The following SUV39H2 variants were observed in gnomAD, a reference collection of about 807,000 sequenced individuals.
SUV39H2 encodes the protein SUV39H2 histone lysine methyltransferase, also known as histone-lysine N-methyltransferase SUV39H2.
In SUV39H2, 10 loss-of-function variants were observed where a neutral mutation model predicts 47.5. That is an observed-to-expected ratio of 0.21 (90% CI 0.13 to 0.36). The LOEUF (loss-of-function observed/expected upper bound fraction) is 0.36, where lower values mean the gene tolerates loss of function less well. Ranked by LOEUF, SUV39H2 falls within the 10% of genes least tolerant of loss-of-function variation. The pLI, the probability that SUV39H2 is intolerant of heterozygous loss-of-function variation, is 1.00. For synonymous variants in SUV39H2, 159 were observed against 166.8 expected (o/e 0.95, Z 0.36); for missense variants, 266 against 487.4 (o/e 0.55, Z 4.28).
chr10:14,878,884 A>G lies in SUV39H2; in HGVS notation c.-5A>G, dbSNP rs375333545. 38 of 1,488,940 alleles carry G rather than the reference A, an allele frequency of 2.6e-5. No individual in the cohort carries two copies. In the East Asian group the frequency reaches 2.9e-4, roughly 12 times the overall value. The allele number at this position is 1,488,940 out of a possible 1,614,324, so 92.2% of individuals were successfully genotyped here. The stretch of plus-strand genomic sequence containing the variant: ...CCGCGCCAGTTTGAATGAAAGCTCT[A>G]CAAGATGGCGGCGGTCGGGGCCGAG... On this transcript the variant is annotated 5_prime_UTR_variant, in exon 1 of 6. Transcript: ENST00000354919.
chr10:14,901,318 C>T, intron 5 of SUV39H2, 56 bp downstream of exon 5: 6 of 1,604,908 alleles, frequency 3.7e-6, no homozygotes, highest in Non-Finnish European at 3.4e-6. Flanking sequence ...AGAATCAAAT[C>T]AGACTAGGAA....
chr10:14,883,043 T>A (rs188912751), intron 2 of SUV39H2, among the ~76,000 whole-genome samples: 3 of 151,856 alleles, frequency 2.0e-5, no homozygotes, highest in African/African-American at 7.2e-5. Context: ...AATTTTTGTA[T>A]TTTTTAGTAG....
chr10:14,899,364 C>G (rs1231873294), intron 3 of SUV39H2, 175 bp from the exon 4 acceptor site: 2 of 724,718 alleles, frequency 2.8e-6, no homozygotes, highest in Non-Finnish European at 4.7e-6. Context: ...TTTTCTTCCC[C>G]TCATTTTCCC....
At chr10:14,880,305 G>C (rs1489271992) in intron 1 of SUV39H2, among the ~76,000 whole-genome samples, 1 of 152,198 alleles carries the variant, frequency 6.6e-6, no homozygotes, top group African/African-American at 2.4e-5. Context: ...TCTGTGTGAG[G>C]TGGGGAGGAT....
chr10:14,878,919 G>C lies in SUV39H2; in HGVS notation c.31G>C (p.Ala11Pro). Residue 11 changes from alanine (A) to proline (P), a missense_variant and splice_region_variant, in exon 1 of 6, where the codon GCT becomes CCT. By Grantham distance (27) the Ala-to-Pro change is conservative (BLOSUM62 -1). Coordinates refer to ENST00000354919, the MANE Select transcript of SUV39H2 (RefSeq NM_001193424.2). MAAVGAEARG[A>P]WCVPCLVSLD... ...GGCGGTCGGGGCCGAGGCGCGAGGA[G>C]GTGAGGCTGGAGCGCGGCCCCCTCG... The C allele has an allele frequency of 6.8e-7, 1 of 1,475,972 alleles. No individual in the cohort carries two copies. Among genetic ancestry groups the C allele is most frequent in the Non-Finnish European group, 9.0e-7 (1 of 1,111,154 alleles). 91.4% of individuals were successfully genotyped at this position (1,475,972 alleles called of 1,614,324 possible). A position where few individuals can be genotyped will look rare whatever the true frequency, so the allele number is the denominator to read the frequency against.
At chr10:14,891,496 T>C (rs1186064376) in intron 2 of SUV39H2, among the ~76,000 whole-genome samples, 4 of 152,114 alleles carry the variant, frequency 2.6e-5, no homozygotes, top group South Asian at 4.1e-4. Flanking sequence ...TAAAGAAGGA[T>C]AGAGTGTTTG....
intron 3 of SUV39H2, chr10:14,898,854 A>G (rs943553876): frequency 1.0e-5 from 2 of 194,580 alleles, no homozygotes; most frequent in Non-Finnish European, 2.1e-5. Flanking sequence ...TTCCATTTGT[A>G]ACTGCATATA....
chr10:14,898,590 ACT>A (rs1423693701), intron 3 of SUV39H2: 2 of 152,118 alleles, frequency 1.3e-5, no homozygotes, highest in East Asian at 1.9e-4. Context: ...TAATCAAATT[ACT>A]CTTTTTGTTA....
Position 14,894,666 on chromosome 10 carries a change from C to T in SUV39H2, c.178-2180C>T, listed in dbSNP as rs539402929. Among the ~76,000 whole-genome samples, 2 of 57,414 alleles carry T rather than the reference C, an allele frequency of 3.5e-5. 1 individual carries two copies. Among genetic ancestry groups the T allele is most frequent in the African/African-American group, 4.0e-4 (2 of 5,006 alleles). 37.7% of individuals were successfully genotyped at this position (57,414 alleles called of 152,430 possible). A position where few individuals can be genotyped will look rare whatever the true frequency, so the allele number is the denominator to read the frequency against. On this transcript the variant is annotated intron_variant, in intron 2 of 5. Coordinates refer to ENST00000354919, the MANE Select transcript of SUV39H2 (RefSeq NM_001193424.2). ...ACAGGCGTGAGCCACCGCGCCCGGC[C>T]GCAAAGTTTTTAATTCACAAAGATT...
intron 1 of SUV39H2, among the ~76,000 whole-genome samples, chr10:14,881,210 A>T (rs1833032241): frequency 6.6e-6 from 1 of 152,246 alleles, no homozygotes; most frequent in Non-Finnish European, 1.5e-5. Context: ...ATATAATCTT[A>T]AAAAAGCTTA....
At chr10:14,885,602 A>G (rs1331033665) in intron 2 of SUV39H2, among the ~76,000 whole-genome samples, 1 of 152,104 alleles carries the variant, frequency 6.6e-6, no homozygotes, top group Admixed American at 6.5e-5. Context: ...AGTCTTTCTC[A>G]TCAGTTCATC....
chr10:14,881,669 A>T (rs761756207), intron 2 of SUV39H2, 24 bp downstream of exon 2: 25 of 1,472,260 alleles, frequency 1.7e-5, no homozygotes, highest in Non-Finnish European at 1.9e-5. Context: ...CTAGCCCCTT[A>T]CAAGAGACCT....
intron 2 of SUV39H2, among the ~76,000 whole-genome samples, chr10:14,891,334 G>A (rs1833382846): frequency 6.6e-6 from 1 of 152,186 alleles, no homozygotes; most frequent in African/African-American, 2.4e-5. Context: ...AGAGGCATCA[G>A]GGAACAGTTC....
At chr10:14,881,395 TA>T in intron 1 of SUV39H2, 104 bp from the exon 2 acceptor site, 2 of 1,022,130 alleles carry the variant, frequency 2.0e-6, no homozygotes, top group Non-Finnish European at 2.5e-6. Flanking sequence ...ATTTTTAGTC[TA>T]AAATTGCCAG....
intron 1 of SUV39H2, among the ~76,000 whole-genome samples, chr10:14,879,375 A>C (rs1588829290): frequency 6.6e-6 from 1 of 152,122 alleles, no homozygotes; most frequent in African/African-American, 2.4e-5. Context: ...CGTGAACATG[A>C]CCTTAATATC....
intron 2 of SUV39H2, among the ~76,000 whole-genome samples, chr10:14,894,363 T>TG (rs1833493520): frequency 2.6e-5 from 2 of 77,490 alleles, no homozygotes; most frequent in Admixed American, 1.2e-4. Context: ...AAGTTTTTTT[T>TG]TTTTTTTTTT....
Position 14,903,842 on chromosome 10 carries a change from G to T in SUV39H2, c.*1330G>T, listed in dbSNP as rs1834178356. 6.6e-6 allele frequency: 1 copy of T among 152,140 alleles called. No individual in the cohort carries two copies. The highest frequency in any genetic ancestry group is 2.1e-4 in the South Asian group (1 of 4,834). The allele number at this position is 152,140 out of a possible 1,614,324, so 9.4% of individuals were successfully genotyped here. ...GCTTTGATTACCTAAAATAAGCTTG[G>T]ATAAAATTGAACCAACTTCAAGAAT... On this transcript the variant is annotated 3_prime_UTR_variant, in exon 6 of 6. Transcript: ENST00000354919.
chr10:14,878,956 C>G, intron 1 of SUV39H2, 37 bp downstream of exon 1: 1 of 1,427,392 alleles, frequency 7.0e-7, no homozygotes. Context: ...CTTCCCTGTT[C>G]CCAGGCAAGC....
Position 14,899,178 on chromosome 10 carries a change from G to A in SUV39H2, c.850-361G>A. ...CTCTATAAAAACTAAATCATTAGCT[G>A]GGCATGGCGGTATGCACCTGTGATC... On this transcript the variant is annotated intron_variant, in intron 3 of 5. Transcript: ENST00000354919. The A allele has an allele frequency of 4.3e-6, 3 of 701,300 alleles. No individual in the cohort carries two copies. The East Asian group carries it at 8.1e-5, about 19-fold the overall frequency. The allele number at this position is 701,300 out of a possible 1,614,324, so 43.4% of individuals were successfully genotyped here. A position where few individuals can be genotyped will look rare whatever the true frequency, so the allele number is the denominator to read the frequency against.
Sources: allele counts gnomAD v4.1 joint callset (sites outside exome capture counted in the v4.1 genomes callset), GRCh38; gene constraint gnomAD v4.1.1; transcripts MANE v1.5; gene names NCBI Gene and HGNC (gene_info 2026-07-23, HGNC 2026-07-21).